WDR70: variants seen among roughly 807,000 people sequenced by gnomAD.
WDR70 encodes the protein WD repeat domain 70.
WDR70 carries 53 observed loss-of-function variants against 88.6 expected under a neutral mutation model. The observed-to-expected ratio is 0.60, with a 90% confidence interval of 0.48 to 0.75. The LOEUF is 0.75. WDR70 is among the 30% of genes least tolerant of loss of function. The probability of loss-of-function intolerance (pLI) is 0.00; values close to 1 mark genes in which losing one functional copy is unlikely to be tolerated. For synonymous variants in WDR70, 280 were observed against 270.0 expected (o/e 1.04, Z -0.36); for missense variants, 610 against 823.2 (o/e 0.74, Z 3.17).
intron 10 of WDR70, among the ~76,000 whole-genome samples, chr5:37,668,476 A>C (rs547666236): frequency 6.6e-6 from 1 of 152,336 alleles, no homozygotes; most frequent in African/African-American, 2.4e-5. Context: ...CAGATTTCTG[A>C]AGCATAAATT....
intron 9 of WDR70, 131 bp downstream of exon 9, chr5:37,516,721 A>T (rs1327530907): frequency 2.3e-4 from 35 of 155,020 alleles, no homozygotes; most frequent in African/African-American, 8.8e-4. Context: ...ACATATATAT[A>T]TATATTTTTT....
rs537077366 is a variant in WDR70 at position 37,579,370 on chromosome 5, G to C, written c.918-25694G>C. On this transcript the variant is annotated intron_variant, in intron 9 of 17. Transcript: ENST00000265107. ...AGAGGCTGAGGCGGGTGGATCATGAGGTCAAGAGATTGAGACCATCCCGGC... is the reference window on the plus strand; with the variant it reads ...AGAGGCTGAGGCGGGTGGATCATGACGTCAAGAGATTGAGACCATCCCGGC... 8.1e-3 allele frequency among the ~76,000 whole-genome samples: 1,227 copies of C among 152,066 alleles called. 21 individuals carry two copies. The highest frequency in any genetic ancestry group is 0.028 in the African/African-American group (1,163 of 41,490).
chr5:37,421,293 T>C (rs574343040), intron 5 of WDR70, among the ~76,000 whole-genome samples: 1 of 152,318 alleles, frequency 6.6e-6, no homozygotes, highest in South Asian at 2.1e-4. Flanking sequence ...TCATGCCCTA[T>C]CTGTGTAAAC....
At position 37,485,816 on chromosome 5, in the gene WDR70, C is replaced by T. The variant is rs545286674; in HGVS notation, c.840+5829C>T. Among the ~76,000 whole-genome samples the T allele has an allele frequency of 2.5e-3, 378 of 149,800 alleles. 2 individuals are homozygous for T. The highest frequency in any genetic ancestry group is 4.7e-3 in the Admixed American group (71 of 15,028). ...AAGCGATTCCCCTGCCTTAGCCTCC[C>T]GAGTAGCTAAGACTACAGGCATGCG... On this transcript the variant is annotated intron_variant, in intron 8 of 17. Coordinates refer to ENST00000265107, the MANE Select transcript of WDR70 (RefSeq NM_018034.4).
chr5:37,581,272 A>C (rs1743210382), intron 9 of WDR70, among the ~76,000 whole-genome samples: 1 of 152,130 alleles, frequency 6.6e-6, no homozygotes, highest in Non-Finnish European at 1.5e-5. Flanking sequence ...TGTAGACAGT[A>C]TCCTGAACAA....
intron 5 of WDR70, among the ~76,000 whole-genome samples, chr5:37,421,992 C>T (rs572395624): frequency 1.6e-4 from 24 of 151,908 alleles, no homozygotes; most frequent in Admixed American, 2.6e-4. Flanking sequence ...GAAGCCAGGT[C>T]GCTACTTCTT....
intron 9 of WDR70, among the ~76,000 whole-genome samples, chr5:37,545,386 G>A (rs1014096748): frequency 5.9e-5 from 9 of 151,968 alleles, no homozygotes; most frequent in African/African-American, 1.2e-4. Flanking sequence ...TTTACATTAC[G>A]TTCCTGCAAT....
At chr5:37,562,841 C>T (rs1332565087) in intron 9 of WDR70, among the ~76,000 whole-genome samples, 1 of 151,944 alleles carries the variant, frequency 6.6e-6, no homozygotes, top group African/African-American at 2.4e-5. Context: ...TCTCCCATGT[C>T]TACCTCTTTC....
Position 37,379,322 on chromosome 5 carries a change from T to A in WDR70, c.-46T>A. ...AAGTTATTGGCAAGTTCCCCTGCAGTTGTTTGGGCTGTCCCTGTGGCTGGT... is the reference window on the plus strand; with the variant it reads ...AAGTTATTGGCAAGTTCCCCTGCAGATGTTTGGGCTGTCCCTGTGGCTGGT... On this transcript the variant is annotated 5_prime_UTR_variant, in exon 1 of 18. In the 5' UTR this introduces an upstream ATG that the reference lacks. Coordinates refer to ENST00000265107, the MANE Select transcript of WDR70 (RefSeq NM_018034.4). 6.2e-7 allele frequency: 1 copy of A among 1,610,054 alleles called. No individual in the cohort carries two copies. The highest frequency in any genetic ancestry group is 8.5e-7 in the Non-Finnish European group (1 of 1,177,972).
chr5:37,581,112 T>C (rs547249914), intron 9 of WDR70, among the ~76,000 whole-genome samples: 1 of 152,244 alleles, frequency 6.6e-6, no homozygotes, highest in South Asian at 2.1e-4. Flanking sequence ...GAGGAGAAAA[T>C]AGACCTTTCT....
intron 17 of WDR70, among the ~76,000 whole-genome samples, chr5:37,743,067 A>G (rs1421642205): frequency 6.6e-6 from 1 of 152,244 alleles, no homozygotes. Context: ...GGAAAAAAAC[A>G]TAATAAGCAT....
At chr5:37,433,862 G>A (rs1283669190) in intron 5 of WDR70, among the ~76,000 whole-genome samples, 1 of 152,074 alleles carries the variant, frequency 6.6e-6, no homozygotes, top group Non-Finnish European at 1.5e-5. Flanking sequence ...TTGCTTTTCT[G>A]GACTGACAGT....
At chr5:37,652,360 A>G (rs911502090) in intron 10 of WDR70, among the ~76,000 whole-genome samples, 3 of 152,224 alleles carry the variant, frequency 2.0e-5, no homozygotes, top group Non-Finnish European at 4.4e-5. Context: ...TGTAGTTTGA[A>G]GTCAGATAGT....
At chr5:37,528,894 A>G (rs1741390911) in intron 9 of WDR70, among the ~76,000 whole-genome samples, 2 of 139,860 alleles carry the variant, frequency 1.4e-5, no homozygotes, top group Admixed American at 7.3e-5. Flanking sequence ...TGCCTAAGCC[A>G]ATGTCTAGAG....
At chr5:37,713,753 G>A (rs1747580933) in intron 13 of WDR70, among the ~76,000 whole-genome samples, 1 of 152,194 alleles carries the variant, frequency 6.6e-6, no homozygotes, top group African/African-American at 2.4e-5. Context: ...AAATAATACA[G>A]TAATGACTAG....
intron 3 of WDR70, among the ~76,000 whole-genome samples, chr5:37,384,133 T>C (rs933357475): frequency 1.3e-5 from 2 of 151,724 alleles, no homozygotes; most frequent in Admixed American, 1.3e-4. Context: ...AAAACCAAGT[T>C]GTTTCCTATC....
intron 9 of WDR70, among the ~76,000 whole-genome samples, chr5:37,569,685 C>G (rs1742844583): frequency 6.6e-6 from 1 of 152,166 alleles, no homozygotes; most frequent in Non-Finnish European, 1.5e-5. Flanking sequence ...GGCACCTTGC[C>G]TAGGGCTTTT....
At chr5:37,591,252 G>C (rs1251172404) in intron 9 of WDR70, among the ~76,000 whole-genome samples, 1 of 152,096 alleles carries the variant, frequency 6.6e-6, no homozygotes, top group Non-Finnish European at 1.5e-5. Context: ...AGAATCTCTC[G>C]AACCTGGGAG....
At chr5:37,701,245 A>G (rs1481527328) in intron 12 of WDR70, 103 bp downstream of exon 12, 1 of 747,264 alleles carries the variant, frequency 1.3e-6, no homozygotes, top group Admixed American at 2.6e-5. Flanking sequence ...ATCTTCTGGA[A>G]AAGAGACTTG....
Sources: gnomAD v4.1 joint callset for allele counts (sites outside exome capture counted in the v4.1 genomes callset) on GRCh38, gnomAD v4.1.1 for gene constraint, MANE v1.5 for transcripts, NCBI Gene and HGNC (gene_info 2026-07-23, HGNC 2026-07-21) for gene names.